PIN4: variants seen among roughly 807,000 people sequenced by gnomAD.
The protein encoded by PIN4 is peptidyl-prolyl cis-trans isomerase NIMA-interacting 4.
A neutral mutation model predicts 8.3 loss-of-function variants in PIN4; 3 were observed. The observed-to-expected ratio is 0.36, with a 90% CI of 0.16 to 0.93. The LOEUF is 0.93. PIN4 is among the 40% of genes least tolerant of loss of function. The probability of loss-of-function intolerance (pLI) is 0.44; values close to 1 mark genes in which losing one functional copy is unlikely to be tolerated. For missense variants in PIN4, 75 were observed against 100.6 expected, an observed-to-expected ratio of 0.75 and a Z score of 1.09; for synonymous variants, 18 against 32.5, an observed-to-expected ratio of 0.55 and a Z score of 1.52.
At chrX:72,262,747 T>C (rs1487898860) in exon 4 of PIN4, 1 of 1,150,439 alleles carries the variant, frequency 8.7e-7, no homozygotes, top group Admixed American at 2.6e-5. Flanking sequence ...CATAGAGACC[T>C]GAGAAGCACC....
chrX:72,202,449 T>C (rs2042793673), downstream of PIN4, among the ~76,000 whole-genome samples: 1 of 112,517 alleles, frequency 8.9e-6, no homozygotes, highest in African/African-American at 3.2e-5. Context: ...GCAAATACAT[T>C]GTGTGGATTT....
intron 3 of PIN4, among the ~76,000 whole-genome samples, chrX:72,254,578 T>C (rs761625087): frequency 1.8e-5 from 2 of 112,383 alleles, no homozygotes; most frequent in Admixed American, 1.9e-4. Context: ...TACTTTCTTG[T>C]TTTCAAAGCC....
chrX:72,229,977 C>A (rs1210036325), intron 3 of PIN4, among the ~76,000 whole-genome samples: 1 of 110,122 alleles, frequency 9.1e-6, no homozygotes, highest in Admixed American at 9.7e-5. Context: ...AGATAGAGAC[C>A]ATCCTGGCTA....
chrX:72,209,508 C>A (rs1419010448), intron 3 of PIN4, among the ~76,000 whole-genome samples: 1 of 112,061 alleles, frequency 8.9e-6, no homozygotes, highest in Non-Finnish European at 1.9e-5. Context: ...TCCTTGACCC[C>A]AACCTAAATA....
intron 3 of PIN4, among the ~76,000 whole-genome samples, chrX:72,220,974 T>C (rs1289401441): frequency 8.9e-6 from 1 of 111,906 alleles, no homozygotes. Flanking sequence ...CATAAGTTAA[T>C]TCCTGGATCC....
At chrX:72,237,462 T>G (rs1256181685) in intron 3 of PIN4, among the ~76,000 whole-genome samples, 3 of 111,053 alleles carry the variant, frequency 2.7e-5, no homozygotes, top group Non-Finnish European at 5.7e-5. Flanking sequence ...GCCGGGTGTG[T>G]TAGCGGGCGC....
intron 2 of PIN4, among the ~76,000 whole-genome samples, chrX:72,195,581 CA>C (rs1048136271): frequency 1.8e-5 from 2 of 110,107 alleles, no homozygotes; most frequent in Non-Finnish European, 1.9e-5. Flanking sequence ...GTGGAGGTTG[CA>C]GTGAGCCAAG....
At chrX:72,215,051 TAGAAA>T (rs1394871444) in intron 3 of PIN4, among the ~76,000 whole-genome samples, 1 of 111,916 alleles carries the variant, frequency 8.9e-6, no homozygotes, top group Non-Finnish European at 1.9e-5. Flanking sequence ...GACTCAATAA[TAGAAA>T]AGAACAAACT....
chrX:72,216,222 C>A (rs2147590976), intron 3 of PIN4, among the ~76,000 whole-genome samples: 1 of 107,563 alleles, frequency 9.3e-6, no homozygotes, highest in African/African-American at 3.4e-5. Context: ...GAGGAGAATG[C>A]CACATGAAGA....
chrX:72,219,615 A>G (rs2042910034), intron 3 of PIN4, among the ~76,000 whole-genome samples: 1 of 110,705 alleles, frequency 9.0e-6, no homozygotes, highest in Admixed American at 9.6e-5. Context: ...TGGGAGGCCA[A>G]GGCGGGCAGA....
chrX:72,226,432 C>T (rs2042954225), intron 3 of PIN4, among the ~76,000 whole-genome samples: 1 of 111,970 alleles, frequency 8.9e-6, no homozygotes, highest in African/African-American at 3.2e-5. Flanking sequence ...GAGCACTAAC[C>T]CTAGCAAAAA....
chrX:72,248,291 GAAAAAAAAAAAAAAAAAAAAAAAAA>G (rs55908553), intron 3 of PIN4, among the ~76,000 whole-genome samples: 82 of 54,904 alleles, frequency 1.5e-3, no homozygotes, highest in Non-Finnish European at 2.9e-3. Flanking sequence ...GCTCCATCCA[GAAAAAAAAAAAAAAAAAAAAAAAAA>G]AAAAAAAAAA....
chrX:72,247,964 T>C (rs758829445), intron 3 of PIN4, among the ~76,000 whole-genome samples: 21 of 111,642 alleles, frequency 1.9e-4, no homozygotes, highest in Non-Finnish European at 4.0e-4. Flanking sequence ...AGAGCTCTTC[T>C]CACAGCCCAG....
intron 3 of PIN4, among the ~76,000 whole-genome samples, chrX:72,253,159 T>A (rs927983932): frequency 9.9e-5 from 11 of 111,575 alleles, no homozygotes; most frequent in Non-Finnish European, 1.9e-4. Flanking sequence ...ATCATCTCTT[T>A]CCCTCATCCA....
chrX:72,207,444 G>A (rs1341401582), intron 3 of PIN4: 1 of 1,208,690 alleles, frequency 8.3e-7, no homozygotes, highest in Non-Finnish European at 1.1e-6. Context: ...CCACATCTGG[G>A]GAATCTTCCC....
intron 3 of PIN4, among the ~76,000 whole-genome samples, chrX:72,262,344 C>A (rs1444705239): frequency 1.8e-5 from 2 of 112,182 alleles, no homozygotes; most frequent in African/African-American, 6.5e-5. Flanking sequence ...TCTGAGGCCC[C>A]GAGCCAAACC....
At chrX:72,199,759 T>C (rs1175969740), downstream of PIN4, among the ~76,000 whole-genome samples, 1 of 109,771 alleles carries the variant, frequency 9.1e-6, no homozygotes, top group Non-Finnish European at 1.9e-5. Context: ...TTCTGTGGTA[T>C]GGAGAGAGAG....
At chrX:72,237,670 G>A (rs1256685750) in intron 3 of PIN4, among the ~76,000 whole-genome samples, 1 of 109,907 alleles carries the variant, frequency 9.1e-6, no homozygotes, top group Non-Finnish European at 1.9e-5. Flanking sequence ...AAACAGGTGG[G>A]AGGATCGCAT....
chrX:72,213,113 G>A (rs2042865880), intron 3 of PIN4, among the ~76,000 whole-genome samples: 1 of 111,979 alleles, frequency 8.9e-6, no homozygotes, highest in Non-Finnish European at 1.9e-5. Flanking sequence ...TGCTAATCTC[G>A]GCGCATGTGA....
Sources: gnomAD v4.1 joint callset for allele counts (sites outside exome capture counted in the v4.1 genomes callset) on GRCh38, gnomAD v4.1.1 for gene constraint, MANE v1.5 for transcripts, NCBI Gene and HGNC (gene_info 2026-07-23, HGNC 2026-07-21) for gene names.